Variants in TLE3 observed in about 807,000 individuals in gnomAD.
TLE3 encodes transducin-like enhancer protein 3.
A neutral mutation model predicts 93.0 loss-of-function variants in TLE3; 14 were observed. The ratio of observed to expected loss-of-function variants is 0.15; its 90% CI spans 0.10 to 0.24. The LOEUF (loss-of-function observed/expected upper bound fraction) is 0.24, where lower values mean the gene tolerates loss of function less well. Among genes scored for constraint, TLE3 ranks in the 10% least tolerant of loss-of-function variants. The pLI is 1.00. For missense variants in TLE3, 693 were observed against 1,046.6 expected (o/e 0.66, Z 4.66); for synonymous variants, 451 against 425.0 (o/e 1.06, Z -0.75).
In TLE3 at chr15:70,048,887, A is replaced by G. The variant is rs1342968329; in HGVS notation, c.*1210T>C. On this transcript the variant is annotated 3_prime_UTR_variant, in exon 20 of 20. Coordinates refer to ENST00000451782, the MANE Select transcript of TLE3 (RefSeq NM_001105192.3). Reference sequence around the variant, plus strand: ...GGGGGATCCTCTTTTCAGACTCACAACCCTGTAGGTTTATACACTTTCCCC... The same window carrying G: ...GGGGGATCCTCTTTTCAGACTCACAGCCCTGTAGGTTTATACACTTTCCCC... 6.6e-6 allele frequency: 1 copy of G among 151,982 alleles called. No individual in the cohort carries two copies. The highest frequency in any genetic ancestry group is 6.5e-5 in the Admixed American group (1 of 15,274). The allele number at this position is 151,982 out of a possible 1,614,324, so 9.4% of individuals were successfully genotyped here. A position where few individuals can be genotyped will look rare whatever the true frequency, so the allele number is the denominator to read the frequency against.
chr15:70,049,792 G>A lies in TLE3; in HGVS notation c.*305C>T. On this transcript the variant is annotated 3_prime_UTR_variant, in exon 20 of 20. Coordinates refer to ENST00000451782, the MANE Select transcript of TLE3 (RefSeq NM_001105192.3). Reference sequence around the variant, plus strand: ...AAGGGAAGAACAAACAGAGACTCATGAGCGGGTCTGTGGGGGAACCGGAGC... The same window carrying A: ...AAGGGAAGAACAAACAGAGACTCATAAGCGGGTCTGTGGGGGAACCGGAGC... 3.4e-6 allele frequency: 1 copy of A among 294,440 alleles called. No homozygotes were observed. The highest frequency in any genetic ancestry group is 6.6e-6 in the Non-Finnish European group (1 of 151,372). The allele number at this position is 294,440 out of a possible 1,614,324, so 18.2% of individuals were successfully genotyped here.
chr15:70,083,895 T>G (rs542172353), intron 4 of TLE3, among the ~76,000 whole-genome samples: 9 of 152,166 alleles, frequency 5.9e-5, no homozygotes, highest in Admixed American at 4.6e-4. Flanking sequence ...CCCCATTCTA[T>G]CTACCTACCA....
rs193039864 is a variant in TLE3 at position 70,097,867 on chromosome 15, G to T, written c.-1069C>A. The T allele has an allele frequency of 9.3e-5, 30 of 324,146 alleles. No individual in the cohort carries two copies. The highest frequency in any genetic ancestry group is 3.4e-4 in the African/African-American group (16 of 47,028). The allele number at this position is 324,146 out of a possible 1,614,324, so 20.1% of individuals were successfully genotyped here. A position where few individuals can be genotyped will look rare whatever the true frequency, so the allele number is the denominator to read the frequency against. On this transcript the variant is annotated 5_prime_UTR_variant, in exon 1 of 20. Transcript: ENST00000451782. ...GGATACCACACACAGACAGGCGAAG[G>T]GGACGAGCACGAGGTCTGAACTGCC...
intron 19 of TLE3, 63 bp from the exon 20 acceptor site, chr15:70,050,267 G>C (rs2055398392): frequency 3.1e-6 from 4 of 1,310,022 alleles, no homozygotes; most frequent in Non-Finnish European, 3.3e-6. Flanking sequence ...AAAAAGACAG[G>C]AATTCATTTT....
chr15:70,077,498 T>G (rs1411755999), intron 4 of TLE3, among the ~76,000 whole-genome samples: 1 of 152,186 alleles, frequency 6.6e-6, no homozygotes, highest in Non-Finnish European at 1.5e-5. Context: ...TGAAGGCGCA[T>G]AAATAGACCC....
chr15:70,096,456 A>C, intron 1 of TLE3, 195 bp from the exon 2 acceptor site: 6 of 1,173,942 alleles, frequency 5.1e-6, no homozygotes, highest in Non-Finnish European at 7.0e-6. Context: ...CGGGGCTCCC[A>C]TGCCTTTCAC....
Position 70,097,039 on chromosome 15 carries a change from C to A in TLE3, c.-241G>T, listed in dbSNP as rs1049086336. 73 of 560,178 alleles carry A rather than the reference C, an allele frequency of 1.3e-4. No individual in the cohort carries two copies. The highest frequency in any genetic ancestry group is 2.0e-4 in the Non-Finnish European group (65 of 326,290). The allele number at this position is 560,178 out of a possible 1,614,324, so 34.7% of individuals were successfully genotyped here. A position where few individuals can be genotyped will look rare whatever the true frequency, so the allele number is the denominator to read the frequency against. On this transcript the variant is annotated 5_prime_UTR_variant, in exon 1 of 20. Coordinates refer to ENST00000451782, the MANE Select transcript of TLE3 (RefSeq NM_001105192.3). ...GCGGGCGCCGGGGCCGGGCGGCGGG[C>A]GCGGGCTTTGTGCGCCTAGGGCTCG... is the stretch of plus-strand genomic sequence containing the variant.
At chr15:70,056,233 T>C in intron 14 of TLE3, 65 bp downstream of exon 14, 2 of 1,532,640 alleles carry the variant, frequency 1.3e-6, no homozygotes, top group Non-Finnish European at 1.8e-6. Flanking sequence ...GTTGTTGGAA[T>C]TGGGGGTAGA....
rs546554296 is a variant in TLE3, at chr15:70,049,996, G to A, written c.*101C>T. 245 of 962,028 alleles carry A rather than the reference G, an allele frequency of 2.5e-4. No individual in the cohort carries two copies. The African/African-American group carries it at 2.6e-3, about 10-fold the overall frequency. The allele number at this position is 962,028 out of a possible 1,614,324, so 59.6% of individuals were successfully genotyped here. On this transcript the variant is annotated 3_prime_UTR_variant, in exon 20 of 20. Transcript: ENST00000451782. ...CAGCCCTGAACGCTCGGCTGCCTGCGGCCCATCCTCCGCCATCCTCGGGGC... is the reference window on the plus strand; with the variant it reads ...CAGCCCTGAACGCTCGGCTGCCTGCAGCCCATCCTCCGCCATCCTCGGGGC...
At chr15:70,060,692 G>A (rs773525267) in intron 8 of TLE3, 43 bp from the exon 9 acceptor site, 30 of 1,606,502 alleles carry the variant, frequency 1.9e-5, no homozygotes, top group South Asian at 2.2e-5. Flanking sequence ...TTTCTGCTGC[G>A]TGTAACAATT....
chr15:70,056,212 G>A, intron 14 of TLE3, 86 bp downstream of exon 14: 2 of 1,410,898 alleles, frequency 1.4e-6, no homozygotes, highest in Non-Finnish European at 2.0e-6. Context: ...CTTGGTCAGG[G>A]GATGAGGGGC....
intron 4 of TLE3, among the ~76,000 whole-genome samples, chr15:70,089,754 T>C (rs1452022279): frequency 6.6e-6 from 1 of 152,196 alleles, no homozygotes; most frequent in Non-Finnish European, 1.5e-5. Flanking sequence ...TGTCCCAGTA[T>C]TTTGTACAAA....
intron 4 of TLE3, among the ~76,000 whole-genome samples, chr15:70,089,491 C>T (rs564135730): frequency 3.9e-5 from 6 of 152,266 alleles, no homozygotes; most frequent in African/African-American, 1.2e-4. Flanking sequence ...GCAGAGCGGG[C>T]GGCCAGCCCA....
At chr15:70,082,996 C>T (rs2057860407) in intron 4 of TLE3, among the ~76,000 whole-genome samples, 1 of 152,328 alleles carries the variant, frequency 6.6e-6, no homozygotes, top group Admixed American at 6.5e-5. Flanking sequence ...AGCTAGCATG[C>T]ATCCAGGCAA....
intron 4 of TLE3, among the ~76,000 whole-genome samples, chr15:70,087,712 C>T (rs989166226): frequency 2.0e-5 from 3 of 152,228 alleles, no homozygotes; most frequent in Non-Finnish European, 1.5e-5. Context: ...GCCTCTCAGG[C>T]CCCACAGATG....
intron 4 of TLE3, among the ~76,000 whole-genome samples, chr15:70,090,876 A>T (rs73443989): frequency 0.043 from 6,582 of 152,312 alleles, 176 homozygotes; most frequent in South Asian, 0.094. Context: ...GAAATGGGGC[A>T]CTTTGGACTT....
intron 19 of TLE3, chr15:70,051,166 C>A (rs1177838046): frequency 4.7e-6 from 2 of 425,134 alleles, no homozygotes; most frequent in Non-Finnish European, 8.5e-6. Flanking sequence ...CCTCGGGGGT[C>A]AGAAGCCATC....
chr15:70,058,800 G>C lies in TLE3; in HGVS notation c.781C>G (p.Arg261Gly), dbSNP rs779678735. The C allele has an allele frequency of 6.3e-7, 1 of 1,583,364 alleles. No individual in the cohort carries two copies. Among genetic ancestry groups the C allele is most frequent in the Non-Finnish European group, 8.6e-7 (1 of 1,167,058 alleles). The change falls in exon 11 of 20, where the codon CGG (arginine) becomes GGG (glycine). Residue 261 changes from arginine (R) to glycine (G), a missense_variant. By Grantham distance (125) the Arg-to-Gly change is moderately radical (BLOSUM62 -2). Around this residue, in one of 4 missense-constraint regions of TLE3, gnomAD observed 405 missense variants for 468.9 expected, o/e 0.86. Coordinates refer to ENST00000451782, the MANE Select transcript of TLE3 (RefSeq NM_001105192.3). This position sits in a 1 kb window ranked among gnomAD's most constrained non-coding sequence, Gnocchi z 4.1. ...DVSNEDPATP[R>G]VSPAHSPPEN... ...GGAGGGGAGTGTGCCGGGCTGACCC[G>C]GGGCGTTGCGGGGTCCTGAAAACAC...
intron 3 of TLE3, 48 bp from the exon 4 acceptor site, chr15:70,094,624 CA>C: frequency 7.2e-7 from 1 of 1,389,348 alleles, no homozygotes; most frequent in Non-Finnish European, 9.7e-7. Context: ...GAAATCTGGT[CA>C]TTTTTCAAAA....
Sources: allele counts gnomAD v4.1 joint callset (sites outside exome capture counted in the v4.1 genomes callset), GRCh38; gene constraint gnomAD v4.1.1; regional missense constraint gnomAD v4.1.1; non-coding constraint Gnocchi (gnomAD v3.1); transcripts MANE v1.5; gene names NCBI Gene and HGNC (gene_info 2026-07-23, HGNC 2026-07-21).